Variants in GPBP1 observed in about 807,000 individuals in gnomAD.
GPBP1 encodes the protein vasculin.
GPBP1 carries 13 observed loss-of-function variants against 56.5 expected under a neutral mutation model. The ratio of observed to expected loss-of-function variants is 0.23; its 90% CI spans 0.15 to 0.37. The LOEUF (loss-of-function observed/expected upper bound fraction) is 0.37, where lower values mean the gene tolerates loss of function less well. Among genes scored for constraint, GPBP1 ranks in the 10% least tolerant of loss-of-function variants. The probability of loss-of-function intolerance (pLI) is 1.00; values close to 1 mark genes in which losing one functional copy is unlikely to be tolerated. For missense variants in GPBP1, 477 were observed against 572.3 expected, an observed-to-expected ratio of 0.83 and a Z score of 1.70; for synonymous variants, 204 against 188.9, an observed-to-expected ratio of 1.08 and a Z score of -0.66.
At chr5:57,182,308 T>A (rs1754085074) in intron 2 of GPBP1, among the ~76,000 whole-genome samples, 1 of 152,070 alleles carries the variant, frequency 6.6e-6, no homozygotes, top group African/African-American at 2.4e-5. Flanking sequence ...GGTCTTGAAC[T>A]CCTGACCTGA....
chr5:57,192,693 C>T (rs1472813369), intron 2 of GPBP1, among the ~76,000 whole-genome samples: 2 of 136,336 alleles, frequency 1.5e-5, no homozygotes, highest in African/African-American at 2.8e-5. Flanking sequence ...GCGGAGGTTG[C>T]GGTGAGCTGC....
At chr5:57,187,046 G>A (rs1754323231) in intron 2 of GPBP1, among the ~76,000 whole-genome samples, 1 of 151,148 alleles carries the variant, frequency 6.6e-6, no homozygotes, top group South Asian at 2.1e-4. Flanking sequence ...GTGTATGTAT[G>A]TTTGTATGTA....
At chr5:57,204,600 T>G (rs866237025) in intron 2 of GPBP1, among the ~76,000 whole-genome samples, 1 of 152,176 alleles carries the variant, frequency 6.6e-6, no homozygotes, top group South Asian at 2.1e-4. Flanking sequence ...CTGACACTTC[T>G]GAAAATTTTG....
intron 10 of GPBP1, among the ~76,000 whole-genome samples, chr5:57,255,765 A>G (rs1019985288): frequency 6.6e-6 from 1 of 152,224 alleles, no homozygotes; most frequent in East Asian, 1.9e-4. Context: ...CCTAATAGAC[A>G]TATCTAATGT....
chr5:57,234,452 T>C (rs910044325), intron 5 of GPBP1, among the ~76,000 whole-genome samples: 5 of 152,218 alleles, frequency 3.3e-5, no homozygotes, highest in East Asian at 3.8e-4. Flanking sequence ...ACTTTAAGAA[T>C]TGGGGCTGGG....
intron 3 of GPBP1, among the ~76,000 whole-genome samples, chr5:57,217,678 A>G (rs1279686954): frequency 1.3e-5 from 2 of 152,168 alleles, no homozygotes; most frequent in South Asian, 2.1e-4. Context: ...TGCGAATGCA[A>G]AGAGCCAGTA....
At chr5:57,182,670 T>G (rs1218717569) in intron 2 of GPBP1, among the ~76,000 whole-genome samples, 1 of 151,494 alleles carries the variant, frequency 6.6e-6, no homozygotes, top group Non-Finnish European at 1.5e-5. Flanking sequence ...CGCACTCGGC[T>G]TCTTCTCTTT....
chr5:57,212,704 T>C lies in GPBP1; in HGVS notation c.-57-1370T>C, dbSNP rs865896474. On this transcript the variant is annotated intron_variant, in intron 2 of 11. Coordinates refer to ENST00000506184, the MANE Select transcript of GPBP1 (RefSeq NM_022913.4). ...TTTTTTTTGAGACGGAGTTTTGCTCTTGTTGCACAGGCTGGAGTGCAGTGG... is the reference window on the plus strand; with the variant it reads ...TTTTTTTTGAGACGGAGTTTTGCTCCTGTTGCACAGGCTGGAGTGCAGTGG... Among the ~76,000 whole-genome samples the C allele has an allele frequency of 2.0e-5, 3 of 151,332 alleles. No individual in the cohort carries two copies. The South Asian group carries it at 6.3e-4, about 32-fold the overall frequency.
In GPBP1 at chr5:57,262,772, A is replaced by G. The variant is rs370921313; in HGVS notation, c.*20A>G. 4.4e-6 allele frequency: 7 copies of G among 1,602,768 alleles called. No homozygotes were observed. The African/African-American group carries it at 5.3e-5, about 12-fold the overall frequency. ...GTGTGAAGGATTTCCTAACAGCTTT[A>G]GAAATCTTAGTGTGATACATCTCTC... On this transcript the variant is annotated 3_prime_UTR_variant, in exon 12 of 12. Coordinates refer to ENST00000506184, the MANE Select transcript of GPBP1 (RefSeq NM_022913.4).
At chr5:57,191,172 G>C (rs1754509653) in intron 2 of GPBP1, among the ~76,000 whole-genome samples, 1 of 151,694 alleles carries the variant, frequency 6.6e-6, no homozygotes, top group African/African-American at 2.4e-5. Context: ...TGCAACCTCT[G>C]CCTCCTTGGT....
intron 2 of GPBP1, among the ~76,000 whole-genome samples, chr5:57,183,765 A>ATTTTTTTTTTTTTTT (rs34608817): frequency 3.0e-5 from 4 of 133,282 alleles, no homozygotes; most frequent in Non-Finnish European, 3.1e-5. Context: ...GGGGATATGA[A>ATTTTTTTTTTTTTTT]TTTTTTTTTT....
rs546743249 is a variant in GPBP1, at chr5:57,214,727, C to T, written c.63+534C>T. Reference sequence around the variant, plus strand: ...CTGGATTGCAGTGGCATGATCTTGGCTTATTGTAGCCTACACCTCCTGGGT... The same window carrying T: ...CTGGATTGCAGTGGCATGATCTTGGTTTATTGTAGCCTACACCTCCTGGGT... On this transcript the variant is annotated intron_variant, in intron 3 of 11. Coordinates refer to ENST00000506184, the MANE Select transcript of GPBP1 (RefSeq NM_022913.4). 1.6e-3 allele frequency among the ~76,000 whole-genome samples: 239 copies of T among 152,126 alleles called. 2 individuals are homozygous for T. Among genetic ancestry groups the T allele is most frequent in the Middle Eastern group, 3.4e-3 (1 of 294 alleles).
intron 2 of GPBP1, among the ~76,000 whole-genome samples, chr5:57,183,724 A>G (rs1384976994): frequency 1.3e-5 from 2 of 152,044 alleles, no homozygotes; most frequent in African/African-American, 2.4e-5. Context: ...TAACATTTCA[A>G]GAGTTGATAG....
At chr5:57,243,339 A>G (rs1010059354) in intron 6 of GPBP1, among the ~76,000 whole-genome samples, 10 of 152,186 alleles carry the variant, frequency 6.6e-5, no homozygotes, top group African/African-American at 2.4e-4. Context: ...TGCTGGGATT[A>G]TAGGCATGAG....
Position 57,175,936 on chromosome 5 carries a change from A to G in GPBP1, c.-522A>G, listed in dbSNP as rs1009822343. 9 of 398,452 alleles carry G rather than the reference A, an allele frequency of 2.3e-5. No homozygotes were observed. The highest frequency in any genetic ancestry group is 3.1e-5 in the Non-Finnish European group (7 of 226,032). 24.7% of individuals were successfully genotyped at this position (398,452 alleles called of 1,614,324 possible). ...TTCTGAATGAAGAGATTGAAAGAATACAGAGTTTTTTTCCTTTTATCTTTT... is the reference window on the plus strand; with the variant it reads ...TTCTGAATGAAGAGATTGAAAGAATGCAGAGTTTTTTTCCTTTTATCTTTT... On this transcript the variant is annotated 5_prime_UTR_variant, in exon 2 of 12. In the 5' UTR this introduces an upstream ATG that the reference lacks. Transcript: ENST00000506184.
intron 9 of GPBP1, among the ~76,000 whole-genome samples, chr5:57,250,647 A>G (rs944849565): frequency 6.6e-6 from 1 of 151,592 alleles, no homozygotes; most frequent in Non-Finnish European, 1.5e-5. Flanking sequence ...GGTTCAAGCA[A>G]TTCTCCTGCC....
Position 57,219,396 on chromosome 5 carries a change from A to AAC in GPBP1, c.63+5204_63+5205insCA, listed in dbSNP as rs1561348229. Among the ~76,000 whole-genome samples, 14 of 55,848 alleles carry AAC rather than the reference A, an allele frequency of 2.5e-4. 1 individual carries two copies. The highest frequency in any genetic ancestry group is 9.4e-4 in the African/African-American group (12 of 12,832). The allele number at this position is 55,848 out of a possible 152,430, so 36.6% of individuals were successfully genotyped here. A position where few individuals can be genotyped will look rare whatever the true frequency, so the allele number is the denominator to read the frequency against. The stretch of plus-strand genomic sequence containing the variant: ...GTCTCAAAAAAAAAAAAAAAAAAAA[A>AAC]AAAAAAACCAAAAACAAACAAACAA... On this transcript the variant is annotated intron_variant, in intron 3 of 11. Transcript: ENST00000506184.
intron 6 of GPBP1, among the ~76,000 whole-genome samples, chr5:57,240,955 A>G (rs1229226865): frequency 6.8e-6 from 1 of 147,326 alleles, no homozygotes; most frequent in African/African-American, 2.4e-5. Flanking sequence ...TCTGTCTCCC[A>G]TTTAAAAAAA....
At chr5:57,260,983 A>T (rs894357351) in intron 10 of GPBP1, among the ~76,000 whole-genome samples, 197 bp from the exon 11 acceptor site, 13 of 152,324 alleles carry the variant, frequency 8.5e-5, no homozygotes, top group African/African-American at 2.6e-4. Context: ...TCTAATTTTA[A>T]TATCAGTTTA....
Sources: allele counts gnomAD v4.1 joint callset (sites outside exome capture counted in the v4.1 genomes callset), GRCh38; gene constraint gnomAD v4.1.1; transcripts MANE v1.5; gene names NCBI Gene and HGNC (gene_info 2026-07-23, HGNC 2026-07-21).